Variants in NDUFAF2 observed in about 807,000 individuals in gnomAD.
NDUFAF2 encodes the protein NADH dehydrogenase [ubiquinone] 1 alpha subcomplex assembly factor 2.
NDUFAF2 carries 13 observed loss-of-function variants against 22.8 expected under a neutral mutation model. The observed-to-expected ratio is 0.57, with a 90% CI of 0.37 to 0.91. The LOEUF (loss-of-function observed/expected upper bound fraction) is 0.91, where lower values mean the gene tolerates loss of function less well. NDUFAF2 is among the 40% of genes least tolerant of loss of function. The pLI is 0.01. For missense variants in NDUFAF2, 162 were observed against 195.2 expected (o/e 0.83, Z 1.01); for synonymous variants, 53 against 64.2 (o/e 0.83, Z 0.84).
At position 61,062,286 on chromosome 5, in the gene NDUFAF2, C is replaced by T. The variant is rs28636403; in HGVS notation, c.128-10839C>T. On this transcript the variant is annotated intron_variant, in intron 1 of 3. Transcript: ENST00000296597. Reference sequence around the variant, plus strand: ...TGAGGAAACTCATTAAGAAAGAAGACGGTGCAAATAGGCAATTCAGTGAAG... The same window carrying T: ...TGAGGAAACTCATTAAGAAAGAAGATGGTGCAAATAGGCAATTCAGTGAAG... 3.9e-3 allele frequency among the ~76,000 whole-genome samples: 599 copies of T among 151,998 alleles called. 7 individuals carry two copies. The highest frequency in any genetic ancestry group is 0.014 in the African/African-American group (569 of 41,468).
intron 1 of NDUFAF2, among the ~76,000 whole-genome samples, chr5:61,067,070 A>T (rs1019065924): frequency 6.6e-6 from 1 of 152,168 alleles, no homozygotes; most frequent in Non-Finnish European, 1.5e-5. Flanking sequence ...TTCATGCTAA[A>T]TGAGTAGATT....
At chr5:61,105,101 T>G (rs1752746705) in intron 3 of NDUFAF2, among the ~76,000 whole-genome samples, 1 of 147,128 alleles carries the variant, frequency 6.8e-6, no homozygotes, top group South Asian at 2.1e-4. Context: ...GTTGACATAT[T>G]TCCTATGCCA....
intron 3 of NDUFAF2, among the ~76,000 whole-genome samples, chr5:61,134,979 T>A (rs1006165410): frequency 1.3e-5 from 2 of 152,024 alleles, no homozygotes; most frequent in East Asian, 1.9e-4. Context: ...AATAATTTTC[T>A]TAGCAGTAAT....
At chr5:60,961,623 A>G (rs9763225) in intron 1 of NDUFAF2, among the ~76,000 whole-genome samples, 27,750 of 141,366 alleles carry the variant, frequency 0.2, 3,450 homozygotes, top group Non-Finnish European at 0.26. Context: ...AAAATTAGCC[A>G]GACATGGTGG....
At chr5:61,043,496 C>G (rs866032457) in intron 1 of NDUFAF2, among the ~76,000 whole-genome samples, 6 of 152,238 alleles carry the variant, frequency 3.9e-5, no homozygotes, top group Middle Eastern at 3.4e-3. Context: ...AAACCCCTCA[C>G]CCACAGTTTC....
At chr5:61,117,162 ATTAG>A (rs1355310279) in intron 3 of NDUFAF2, among the ~76,000 whole-genome samples, 1 of 152,190 alleles carries the variant, frequency 6.6e-6, no homozygotes, top group Non-Finnish European at 1.5e-5. Context: ...GTTTTAAAAT[ATTAG>A]TTAGCTATTA....
chr5:61,128,410 T>C (rs1276493090), intron 3 of NDUFAF2, among the ~76,000 whole-genome samples: 2 of 152,170 alleles, frequency 1.3e-5, no homozygotes, highest in Non-Finnish European at 2.9e-5. Context: ...ACTACAAGGC[T>C]ACAGTAACCA....
rs1194782475 is a variant in NDUFAF2, at chr5:60,949,099, A to C, written c.127+3717A>C. The stretch of plus-strand genomic sequence containing the variant: ...AAATTAACTTTTAAAATTGGTGTAT[A>C]GTTCTATAAATTTGAACACATGTGA... On this transcript the variant is annotated intron_variant, in intron 1 of 3. Coordinates refer to ENST00000296597, the MANE Select transcript of NDUFAF2 (RefSeq NM_174889.5). Among the ~76,000 whole-genome samples, 55 of 152,198 alleles carry C rather than the reference A, an allele frequency of 3.6e-4. 1 individual carries two copies. The highest frequency in any genetic ancestry group is 3.6e-3 in the Admixed American group (55 of 15,286).
In NDUFAF2 at chr5:61,099,051, G is replaced by C. The variant is rs773995895; in HGVS notation, c.258+19G>C. 2 of 1,576,526 alleles carry C rather than the reference G, an allele frequency of 1.3e-6. No homozygotes were observed. The highest frequency in any genetic ancestry group is 2.3e-5 in the South Asian group (2 of 87,262). On this transcript the variant is annotated intron_variant, in intron 3 of 3. Coordinates refer to ENST00000296597, the MANE Select transcript of NDUFAF2 (RefSeq NM_174889.5). ...TATGGAGGTAAGACTACACAAGGAG[G>C]ATATCATTTAGGAGTATATATTCCC...
intron 2 of NDUFAF2, among the ~76,000 whole-genome samples, chr5:61,085,814 T>C (rs1378766832): frequency 1.1e-4 from 16 of 152,156 alleles, no homozygotes; most frequent in Admixed American, 9.8e-4. Flanking sequence ...GACCTTTACA[T>C]TGAAAAACAT....
At chr5:61,094,301 A>C (rs887938938) in intron 2 of NDUFAF2, among the ~76,000 whole-genome samples, 5 of 152,150 alleles carry the variant, frequency 3.3e-5, no homozygotes, top group Admixed American at 1.3e-4. Context: ...TGATTGCATT[A>C]TGAAATTCTT....
intron 3 of NDUFAF2, among the ~76,000 whole-genome samples, chr5:61,108,069 A>T (rs1229047574): frequency 6.7e-6 from 1 of 149,916 alleles, no homozygotes; most frequent in East Asian, 1.9e-4. Flanking sequence ...CATGGTGTAT[A>T]TGTGCCACAT....
chr5:61,069,353 A>G (rs1010374483), intron 1 of NDUFAF2, among the ~76,000 whole-genome samples: 2 of 152,146 alleles, frequency 1.3e-5, no homozygotes, highest in East Asian at 3.8e-4. Context: ...GCCTGTCTCT[A>G]CAACCCAGTG....
At chr5:61,025,097 G>T (rs1334555544) in intron 1 of NDUFAF2, among the ~76,000 whole-genome samples, 2 of 151,888 alleles carry the variant, frequency 1.3e-5, no homozygotes, top group Non-Finnish European at 2.9e-5. Context: ...CTCCCATAAT[G>T]TGTCAGCTTA....
At chr5:61,040,154 G>T (rs919077796) in intron 1 of NDUFAF2, among the ~76,000 whole-genome samples, 7 of 151,666 alleles carry the variant, frequency 4.6e-5, no homozygotes, top group African/African-American at 1.4e-4. Flanking sequence ...TATCTTATTT[G>T]GAAGTAGGGT....
chr5:61,045,742 T>C (rs1269578564), intron 1 of NDUFAF2, among the ~76,000 whole-genome samples: 1 of 152,190 alleles, frequency 6.6e-6, no homozygotes, highest in East Asian at 1.9e-4. Context: ...TAGGATTTTT[T>C]AGATATAAGA....
In NDUFAF2 at chr5:61,096,832, C is replaced by T. The variant is rs530414629; in HGVS notation, c.218-2160C>T. Among the ~76,000 whole-genome samples the T allele has an allele frequency of 7.9e-5, 12 of 152,070 alleles. No homozygotes were observed. In the South Asian group the frequency reaches 1.5e-3, roughly 18 times the overall value. ...TACAAAAATTAGCTGGGCATGGTAG[C>T]GAGCACTTGTAATCTCAGCTACTTG... On this transcript the variant is annotated intron_variant, in intron 2 of 3. Transcript: ENST00000296597.
intron 3 of NDUFAF2, among the ~76,000 whole-genome samples, chr5:61,133,506 C>T (rs1448764532): frequency 2.0e-5 from 3 of 151,954 alleles, no homozygotes; most frequent in Non-Finnish European, 2.9e-5. Flanking sequence ...TATAAATTTC[C>T]AAGAATATAA....
At position 61,125,313 on chromosome 5, in the gene NDUFAF2, C is replaced by T. The variant is rs139559965; in HGVS notation, c.258+26281C>T. Among the ~76,000 whole-genome samples, 346 of 152,018 alleles carry T rather than the reference C, an allele frequency of 2.3e-3. 1 individual carries two copies. The highest frequency in any genetic ancestry group is 6.7e-3 in the African/African-American group (280 of 41,494). On this transcript the variant is annotated intron_variant, in intron 3 of 3. Transcript: ENST00000296597. ...TTTCCATCACTGAATATTGTCAGCT[C>T]TTTTCTTATGCACTGTATTTTTTTT...
Sources: gnomAD v4.1 joint callset for allele counts (sites outside exome capture counted in the v4.1 genomes callset) on GRCh38, gnomAD v4.1.1 for gene constraint, MANE v1.5 for transcripts, NCBI Gene and HGNC (gene_info 2026-07-23, HGNC 2026-07-21) for gene names.